Variants in CHD6 observed in about 807,000 individuals in gnomAD.
CHD6 encodes the protein ATP-dependent chromatin remodeler CHD6.
CHD6 carries 50 observed loss-of-function variants against 276.9 expected under a neutral mutation model. That is an observed-to-expected ratio of 0.18 (90% CI 0.14 to 0.23). CHD6 has a LOEUF of 0.23. Among genes scored for constraint, CHD6 ranks in the 10% least tolerant of loss-of-function variants. CHD6 has a pLI of 1.00. For missense variants in CHD6, 2,564 were observed against 3,365.8 expected (o/e 0.76, Z 5.89); for synonymous variants, 1,173 against 1,229.3 (o/e 0.95, Z 0.96).
chr20:41,418,375 C>A (rs2047072270), intron 31 of CHD6, among the ~76,000 whole-genome samples: 1 of 152,024 alleles, frequency 6.6e-6, no homozygotes, highest in Non-Finnish European at 1.5e-5. Flanking sequence ...GAGGAGGGAG[C>A]TCCCATGAAG....
Position 41,503,947 on chromosome 20 carries a change from G to A in CHD6, c.853-4590C>T, listed in dbSNP as rs528305634. ...ACAAAAATTAGCTGGGCATAGTGGC[G>A]CACACCTGTAATCACATCTACTTGG... is the stretch of plus-strand genomic sequence containing the variant. On this transcript the variant is annotated intron_variant, in intron 5 of 36. Transcript: ENST00000373233. Among the ~76,000 whole-genome samples, 14 of 151,426 alleles carry A rather than the reference G, an allele frequency of 9.2e-5. No homozygotes were observed. In the South Asian group the frequency reaches 2.3e-3, roughly 25 times the overall value.
chr20:41,597,597 A>G (rs1356845492), intron 1 of CHD6, among the ~76,000 whole-genome samples: 33 of 152,070 alleles, frequency 2.2e-4, no homozygotes. Flanking sequence ...AGTCTGAACC[A>G]CTGAGAAGGG....
At chr20:41,563,233 C>A (rs1179872993) in intron 1 of CHD6, among the ~76,000 whole-genome samples, 1 of 152,140 alleles carries the variant, frequency 6.6e-6, no homozygotes, top group East Asian at 1.9e-4. Context: ...CACTACTGAA[C>A]CAAGAGTATT....
chr20:41,417,761 G>A (rs748763947), intron 31 of CHD6, among the ~76,000 whole-genome samples: 9 of 152,170 alleles, frequency 5.9e-5, no homozygotes, highest in Non-Finnish European at 1.2e-4. Flanking sequence ...ACGGCAAGAC[G>A]GTGATTAATA....
intron 27 of CHD6, among the ~76,000 whole-genome samples, chr20:41,429,475 C>T (rs536960313): frequency 7.3e-4 from 111 of 152,226 alleles, no homozygotes; most frequent in African/African-American, 2.4e-3. Flanking sequence ...ACTCTCTGAA[C>T]GCCACATTTT....
At chr20:41,575,793 T>C (rs993905984) in intron 1 of CHD6, among the ~76,000 whole-genome samples, 1 of 152,208 alleles carries the variant, frequency 6.6e-6, no homozygotes, top group Non-Finnish European at 1.5e-5. Context: ...ACAACCAACA[T>C]GAGAAGATAT....
chr20:41,434,427 G>C (rs996021676), intron 27 of CHD6, among the ~76,000 whole-genome samples: 2 of 152,190 alleles, frequency 1.3e-5, no homozygotes, highest in Non-Finnish European at 2.9e-5. Context: ...CTGGAGTGCA[G>C]TGGCGTGATC....
At position 41,417,365 on chromosome 20, in the gene CHD6, A is replaced by G. The variant is rs1192560892; in HGVS notation, c.6128-16T>C. ...CCTGGATAATCTGGGAAGAGGTTAA[A>G]AAATTAATCAGGCACTTAACTATAG... On this transcript the variant is annotated splice_polypyrimidine_tract_variant and intron_variant, in intron 31 of 36. Transcript: ENST00000373233. The G allele has an allele frequency of 6.2e-7, 1 of 1,607,620 alleles. No individual in the cohort carries two copies. The highest frequency in any genetic ancestry group is 1.7e-5 in the Admixed American group (1 of 58,494).
intron 3 of CHD6, among the ~76,000 whole-genome samples, chr20:41,526,045 G>A (rs984861055): frequency 6.6e-5 from 10 of 152,046 alleles, no homozygotes; most frequent in Admixed American, 2.6e-4. Flanking sequence ...CTGGATAAAT[G>A]AGTAGGCATT....
intron 23 of CHD6, among the ~76,000 whole-genome samples, chr20:41,450,339 G>A (rs1288915161): frequency 6.6e-6 from 1 of 152,104 alleles, no homozygotes. Context: ...ATTTCCAAGG[G>A]TCAGATACAT....
Position 41,445,744 on chromosome 20 carries a change from G to A in CHD6, c.3798C>T (p.Asp1266=). Residue 1266 remains aspartate, a synonymous_variant, in exon 25 of 37, where the codon GAC becomes GAT. Coordinates refer to ENST00000373233, the MANE Select transcript of CHD6 (RefSeq NM_032221.5). ...PARELDVPLP[D]IDYMEIPVDW... ...CCACTGGGATCTCCATGTAGTCGAT[G>A]TCAGGCAGAGGTACATCCAGCTCCC... 6.2e-7 allele frequency: 1 copy of A among 1,613,170 alleles called. No individual in the cohort carries two copies. Among genetic ancestry groups the A allele is most frequent in the Non-Finnish European group, 8.5e-7 (1 of 1,179,156 alleles).
At chr20:41,426,204 C>A (rs745416815) in intron 27 of CHD6, 51 bp from the exon 28 acceptor site, 1 of 1,289,032 alleles carries the variant, frequency 7.8e-7, no homozygotes, top group Non-Finnish European at 1.1e-6. Flanking sequence ...TTAGAAGAAA[C>A]CAGCTCAGAA....
intron 27 of CHD6, among the ~76,000 whole-genome samples, chr20:41,436,643 T>A (rs1324192277): frequency 6.6e-6 from 1 of 152,098 alleles, no homozygotes; most frequent in Admixed American, 6.6e-5. Flanking sequence ...TTGAACAAAC[T>A]CTGGTTCTTC....
intron 14 of CHD6, among the ~76,000 whole-genome samples, chr20:41,486,663 C>T (rs756924339): frequency 6.6e-6 from 1 of 152,182 alleles, no homozygotes; most frequent in Non-Finnish European, 1.5e-5. Flanking sequence ...TATGTCATTC[C>T]TGTAATAAGG....
intron 1 of CHD6, among the ~76,000 whole-genome samples, chr20:41,593,655 A>G (rs2045687605): frequency 6.6e-6 from 1 of 152,168 alleles, no homozygotes; most frequent in African/African-American, 2.4e-5. Context: ...CCTAAACTCT[A>G]TTTCCTCAGC....
chr20:41,561,003 T>G (rs763387117), intron 1 of CHD6, among the ~76,000 whole-genome samples: 2 of 152,188 alleles, frequency 1.3e-5, no homozygotes, highest in Admixed American at 1.3e-4. Flanking sequence ...ATTATTTTAT[T>G]GGCTTCTTCC....
At chr20:41,509,084 ACT>A (rs2044049038) in intron 5 of CHD6, among the ~76,000 whole-genome samples, 1 of 152,108 alleles carries the variant, frequency 6.6e-6, no homozygotes, top group Non-Finnish European at 1.5e-5. Context: ...TTTTTGCAAA[ACT>A]CTGCAATCTG....
chr20:41,463,687 T>C (rs950013054), intron 17 of CHD6, among the ~76,000 whole-genome samples: 1 of 152,102 alleles, frequency 6.6e-6, no homozygotes, highest in South Asian at 2.1e-4. Context: ...GAGGAACTGA[T>C]CCAGATTAAC....
intron 17 of CHD6, among the ~76,000 whole-genome samples, chr20:41,471,290 G>C (rs1031512339): frequency 2.0e-5 from 3 of 152,290 alleles, no homozygotes; most frequent in Non-Finnish European, 2.9e-5. Context: ...TATAATTGTC[G>C]TAAGTAGGTT....
Sources: allele counts gnomAD v4.1 joint callset (sites outside exome capture counted in the v4.1 genomes callset), GRCh38; gene constraint gnomAD v4.1.1; transcripts MANE v1.5; gene names NCBI Gene and HGNC (gene_info 2026-07-23, HGNC 2026-07-21).